The following DEPDC1B variants were observed in gnomAD, a reference collection of about 807,000 sequenced individuals.
DEPDC1B encodes the protein DEP domain containing 1B.
Under a neutral mutation model 66.5 loss-of-function variants are expected in DEPDC1B, and 51 were observed. The observed-to-expected ratio is 0.77, with a 90% CI of 0.61 to 0.97. DEPDC1B has a LOEUF of 0.97. Among genes scored for constraint, DEPDC1B ranks in the 50% least tolerant of loss-of-function variants. DEPDC1B has a pLI of 0.00. For missense variants in DEPDC1B, 552 were observed against 637.1 expected (o/e 0.87, Z 1.44); for synonymous variants, 226 against 223.6 (o/e 1.01, Z -0.10).
At chr5:60,626,576 AAC>A (rs1322468521) in intron 7 of DEPDC1B, among the ~76,000 whole-genome samples, 2 of 152,142 alleles carry the variant, frequency 1.3e-5, no homozygotes, top group African/African-American at 4.8e-5. Context: ...CATCCTCACT[AAC>A]ACTTATCCAA....
At chr5:60,635,981 T>C (rs996828230) in intron 7 of DEPDC1B, among the ~76,000 whole-genome samples, 1 of 152,136 alleles carries the variant, frequency 6.6e-6, no homozygotes, top group African/African-American at 2.4e-5. Context: ...TCCAAAACAG[T>C]CTACCCTGCT....
intron 2 of DEPDC1B, among the ~76,000 whole-genome samples, chr5:60,684,896 T>A (rs1187238622): frequency 1.3e-5 from 2 of 152,010 alleles, no homozygotes; most frequent in African/African-American, 4.8e-5. Context: ...AATAATCCAA[T>A]TAAAAAATGG....
rs138328357 is a variant in DEPDC1B at position 60,666,290 on chromosome 5, G to A, written c.315-18757C>T. ...TTGCTGGGTTCCACAGTTGTCTTCC[G>A]TGATCCACTGCTTCTAATAGAGCTA... On this transcript the variant is annotated intron_variant, in intron 2 of 10. Transcript: ENST00000265036. Among the ~76,000 whole-genome samples, 40 of 152,238 alleles carry A rather than the reference G, an allele frequency of 2.6e-4. 1 individual carries two copies. The highest frequency in any genetic ancestry group is 9.1e-4 in the African/African-American group (38 of 41,544).
chr5:60,612,403 A>G (rs939435430), intron 7 of DEPDC1B, among the ~76,000 whole-genome samples: 12 of 151,420 alleles, frequency 7.9e-5, no homozygotes, highest in African/African-American at 2.9e-4. Flanking sequence ...AGCCTGGGCA[A>G]CAGCACAAGA....
intron 6 of DEPDC1B, 100 bp downstream of exon 6, chr5:60,642,712 G>T: frequency 1.3e-6 from 1 of 785,066 alleles, no homozygotes; most frequent in East Asian, 2.6e-5. Flanking sequence ...CAGTCTCACA[G>T]GTGTCACATC....
intron 7 of DEPDC1B, among the ~76,000 whole-genome samples, chr5:60,617,469 T>A (rs1024980122): frequency 2.0e-5 from 3 of 151,838 alleles, no homozygotes; most frequent in South Asian, 4.2e-4. Flanking sequence ...GAAAACAAAA[T>A]AAGGCAGGGG....
chr5:60,664,820 T>A (rs567193122), intron 2 of DEPDC1B, among the ~76,000 whole-genome samples: 1 of 152,184 alleles, frequency 6.6e-6, no homozygotes, highest in Non-Finnish European at 1.5e-5. Flanking sequence ...ATATACAGAA[T>A]CTAAGTATGC....
chr5:60,665,139 T>C (rs956308240), intron 2 of DEPDC1B, among the ~76,000 whole-genome samples: 6 of 151,862 alleles, frequency 4.0e-5, no homozygotes, highest in Non-Finnish European at 5.9e-5. Flanking sequence ...GCAGAAGAAA[T>C]AGAAAGGGGA....
rs1247475776 is a variant in DEPDC1B at position 60,667,878 on chromosome 5, TAC to T, written c.314+19082_314+19083del. Among the ~76,000 whole-genome samples, 81 of 81,882 alleles carry T rather than the reference TAC, an allele frequency of 9.9e-4. 27 individuals are homozygous for T. The highest frequency in any genetic ancestry group is 1.3e-3 in the Non-Finnish European group (56 of 42,168). 53.7% of individuals were successfully genotyped at this position (81,882 alleles called of 152,430 possible). A position where few individuals can be genotyped will look rare whatever the true frequency, so the allele number is the denominator to read the frequency against. On this transcript the variant is annotated intron_variant, in intron 2 of 10. Transcript: ENST00000265036. ...ACATATATGTAAAAAATGGATATTT[TAC>T]ATATATGTAAAAAATGGATATTTTA...
intron 2 of DEPDC1B, among the ~76,000 whole-genome samples, chr5:60,665,643 A>C (rs1406387098): frequency 2.0e-5 from 3 of 152,154 alleles, no homozygotes; most frequent in African/African-American, 7.2e-5. Context: ...AGCAGTTAAG[A>C]GTGGTAGTCG....
At chr5:60,617,838 C>A (rs1055677718) in intron 7 of DEPDC1B, among the ~76,000 whole-genome samples, 1 of 152,108 alleles carries the variant, frequency 6.6e-6, no homozygotes, top group African/African-American at 2.4e-5. Context: ...AATATACATT[C>A]TTCTCAGCAC....
At chr5:60,699,122 A>C (rs1391512655) in intron 1 of DEPDC1B, among the ~76,000 whole-genome samples, 1 of 152,190 alleles carries the variant, frequency 6.6e-6, no homozygotes, top group Non-Finnish European at 1.5e-5. Context: ...CTTTGGAAAG[A>C]AAAGGAAACT....
intron 2 of DEPDC1B, among the ~76,000 whole-genome samples, chr5:60,659,645 G>A (rs573544482): frequency 2.0e-5 from 3 of 152,304 alleles, no homozygotes; most frequent in South Asian, 2.1e-4. Flanking sequence ...TCAACCAGCC[G>A]CCCATGTATG....
intron 1 of DEPDC1B, among the ~76,000 whole-genome samples, chr5:60,699,454 A>AAAAAAAAAAC (rs1168069082): frequency 5.3e-5 from 8 of 150,798 alleles, no homozygotes; most frequent in African/African-American, 2.0e-4. Flanking sequence ...AAAAAAAAAA[A>AAAAAAAAAAC]AAAAAAAACA....
chr5:60,647,721 T>A, intron 2 of DEPDC1B, 188 bp from the exon 3 acceptor site: 1 of 461,952 alleles, frequency 2.2e-6, no homozygotes, highest in Non-Finnish European at 3.5e-6. Flanking sequence ...GAAAGGTGAT[T>A]GAATACATAT....
chr5:60,696,350 T>C (rs937027275), intron 1 of DEPDC1B, among the ~76,000 whole-genome samples: 1 of 152,238 alleles, frequency 6.6e-6, no homozygotes, highest in African/African-American at 2.4e-5. Flanking sequence ...AAATAGACTT[T>C]TGAATTTACT....
At chr5:60,662,850 A>G (rs1270822241) in intron 2 of DEPDC1B, among the ~76,000 whole-genome samples, 1 of 152,060 alleles carries the variant, frequency 6.6e-6, no homozygotes, top group African/African-American at 2.4e-5. Context: ...ATGCTTGACC[A>G]TTGAGGGACA....
chr5:60,698,701 C>T (rs1244893949), intron 1 of DEPDC1B, among the ~76,000 whole-genome samples: 3 of 147,228 alleles, frequency 2.0e-5, no homozygotes, highest in South Asian at 2.1e-4. Context: ...GAGTTTCGCT[C>T]GTTGCCCAGG....
chr5:60,619,425 A>G, intron 7 of DEPDC1B, among the ~76,000 whole-genome samples: 1 of 152,226 alleles, frequency 6.6e-6, no homozygotes, highest in Non-Finnish European at 1.5e-5. Context: ...TAAGCTCATA[A>G]GCAACTTCAG....
Sources: allele counts gnomAD v4.1 joint callset (sites outside exome capture counted in the v4.1 genomes callset), GRCh38; gene constraint gnomAD v4.1.1; transcripts MANE v1.5; gene names NCBI Gene and HGNC (gene_info 2026-07-23, HGNC 2026-07-21).